DSCAML1: variants seen among roughly 807,000 people sequenced by gnomAD.
DSCAML1 encodes cell adhesion molecule DSCAML1.
A neutral mutation model predicts 200.5 loss-of-function variants in DSCAML1; 38 were observed. The ratio of observed to expected loss-of-function variants is 0.19; its 90% confidence interval spans 0.15 to 0.25. DSCAML1 has a LOEUF of 0.25. Among genes scored for constraint, DSCAML1 ranks in the 10% least tolerant of loss-of-function variants. The probability of loss-of-function intolerance (pLI) is 1.00; values close to 1 mark genes in which losing one functional copy is unlikely to be tolerated. For missense variants in DSCAML1, 2,223 were observed against 2,858.8 expected (o/e 0.78, Z 5.07); for synonymous variants, 1,215 against 1,165.0 (o/e 1.04, Z -0.87).
intron 3 of DSCAML1, among the ~76,000 whole-genome samples, chr11:117,720,577 T>C (rs4936399): frequency 0.84 from 127,791 of 152,212 alleles, 55,249 homozygotes; most frequent in Non-Finnish European, 0.94. Flanking sequence ...GCAAACTCCA[T>C]GCTTCCTCCT....
Position 117,780,306 on chromosome 11 carries a change from G to GAAAGAA in DSCAML1, c.364+186_364+187insTTCTTT, listed in dbSNP as rs1410505039. On this transcript the variant is annotated intron_variant, in intron 2 of 32. Coordinates refer to ENST00000651296, the MANE Select transcript of DSCAML1 (RefSeq NM_020693.4). This position sits in a 1 kb window ranked among gnomAD's most constrained non-coding sequence, Gnocchi z 4.8. ...AAAGAAAGAAAGAAAGAAAGAAAGA[G>GAAAGAA]AGAAAGGAGAAAGAAAGGTGTCTCT... Among the ~76,000 whole-genome samples the GAAAGAA allele has an allele frequency of 2.7e-4, 27 of 99,268 alleles. No individual in the cohort carries two copies. The East Asian group carries it at 3.8e-3, about 14-fold the overall frequency. The allele number at this position is 99,268 out of a possible 152,430, so 65.1% of individuals were successfully genotyped here.
chr11:117,650,382 C>T (rs183243033), intron 3 of DSCAML1, among the ~76,000 whole-genome samples: 3 of 152,252 alleles, frequency 2.0e-5, no homozygotes, highest in African/African-American at 7.2e-5. Context: ...TTATGGGATT[C>T]AGAAGATACT....
chr11:117,663,738 C>G (rs61903817), intron 3 of DSCAML1, among the ~76,000 whole-genome samples: 7,675 of 152,176 alleles, frequency 0.05, 281 homozygotes, highest in Non-Finnish European at 0.079. Context: ...CCCTCTGATC[C>G]CTGGTGGGAG....
rs1555032678 is a variant in DSCAML1 at position 117,780,231 on chromosome 11, G to GAAAGGAAAGAAAGAAAGAAAGAAAGAAA, written c.364+261_364+262insTTTCTTTCTTTCTTTCTTTCTTTCCTTT. ...AAAGAGAGAGAGAGAAAGAAAGAAA[G>GAAAGGAAAGAAAGAAAGAAAGAAAGAAA]GAAAGAAAGAAAGAAAGAAAGAAAG... On this transcript the variant is annotated intron_variant, in intron 2 of 32. Coordinates refer to ENST00000651296, the MANE Select transcript of DSCAML1 (RefSeq NM_020693.4). This position sits in a 1 kb window ranked among gnomAD's most constrained non-coding sequence, Gnocchi z 4.8. Among the ~76,000 whole-genome samples the GAAAGGAAAGAAAGAAAGAAAGAAAGAAA allele has an allele frequency of 1.6e-5, 1 of 60,648 alleles. No homozygotes were observed. Among genetic ancestry groups the GAAAGGAAAGAAAGAAAGAAAGAAAGAAA allele is most frequent in the Non-Finnish European group, 3.3e-5 (1 of 29,888 alleles). The allele number at this position is 60,648 out of a possible 152,430, so 39.8% of individuals were successfully genotyped here.
intron 29 of DSCAML1, 138 bp from the exon 30 acceptor site, chr11:117,432,642 G>T: frequency 9.1e-6 from 9 of 990,282 alleles, no homozygotes; most frequent in Non-Finnish European, 1.2e-5. Flanking sequence ...TTTGAGACAG[G>T]GTCTCACTCT....
chr11:117,609,160 C>T (rs539392130), intron 3 of DSCAML1, among the ~76,000 whole-genome samples: 1 of 151,642 alleles, frequency 6.6e-6, no homozygotes, highest in South Asian at 2.1e-4. Flanking sequence ...GATCGTGCCA[C>T]TGCACTCCAG....
intron 3 of DSCAML1, among the ~76,000 whole-genome samples, chr11:117,671,355 T>C (rs17121068): frequency 0.055 from 8,427 of 152,268 alleles, 468 homozygotes; most frequent in African/African-American, 0.15. Flanking sequence ...GTCTCTTCCA[T>C]GGATTTCAGT....
Position 117,484,780 on chromosome 11 carries a change from G to A in DSCAML1, c.2360-2618C>T, listed in dbSNP as rs58354256. On this transcript the variant is annotated intron_variant, in intron 11 of 32. Coordinates refer to ENST00000651296, the MANE Select transcript of DSCAML1 (RefSeq NM_020693.4). Reference sequence around the variant, plus strand: ...TCGGGTGTCGGGGAGGCTCGTAAGCGGACTGGGGACTGGGACCCCCATGGG... The same window carrying A: ...TCGGGTGTCGGGGAGGCTCGTAAGCAGACTGGGGACTGGGACCCCCATGGG... Among the ~76,000 whole-genome samples the A allele has an allele frequency of 3.4e-3, 517 of 152,254 alleles. 2 individuals are homozygous for A. Among genetic ancestry groups the A allele is most frequent in the African/African-American group, 0.012 (493 of 41,546 alleles).
At chr11:117,537,989 G>A (rs900118190) in intron 3 of DSCAML1, among the ~76,000 whole-genome samples, 1 of 152,184 alleles carries the variant, frequency 6.6e-6, no homozygotes, top group Non-Finnish European at 1.5e-5. Flanking sequence ...TTTAGAGAGG[G>A]CCAGTCTTCT....
At chr11:117,723,317 T>C (rs940585831) in intron 3 of DSCAML1, among the ~76,000 whole-genome samples, 9 of 152,220 alleles carry the variant, frequency 5.9e-5, no homozygotes, top group African/African-American at 1.7e-4. Context: ...TTTCCAGATA[T>C]GTTCTTCCAG....
intron 3 of DSCAML1, among the ~76,000 whole-genome samples, chr11:117,564,639 CTCTCTT>C (rs1414903087): frequency 6.6e-6 from 1 of 152,114 alleles, no homozygotes; most frequent in East Asian, 1.9e-4. Context: ...ACCTCTCTCT[CTCTCTT>C]TCTTTCTTTC....
intron 11 of DSCAML1, among the ~76,000 whole-genome samples, chr11:117,486,264 T>TGTGAAAATGGCAGATGTGAAAGTAGC (rs2049052365): frequency 2.4e-5 from 2 of 82,736 alleles, no homozygotes; most frequent in Non-Finnish European, 5.0e-5. Context: ...GGGAAAGTGG[T>TGTGAAAATGGCAGATGTGAAAGTAGC]GGATGGGAAA....
At chr11:117,679,313 G>A (rs544789394) in intron 3 of DSCAML1, among the ~76,000 whole-genome samples, 5 of 152,322 alleles carry the variant, frequency 3.3e-5, no homozygotes, top group South Asian at 2.1e-4. Flanking sequence ...CTGGTGCGGC[G>A]GTCGGAGCTG....
At chr11:117,471,783 C>G in intron 15 of DSCAML1, 86 bp downstream of exon 15, 1 of 1,481,690 alleles carries the variant, frequency 6.7e-7, no homozygotes, top group Non-Finnish European at 9.1e-7. Flanking sequence ...ACTGCAAGCT[C>G]ATTGCCAGTG....
At chr11:117,627,671 C>A (rs117451159) in intron 3 of DSCAML1, among the ~76,000 whole-genome samples, 2 of 152,194 alleles carry the variant, frequency 1.3e-5, no homozygotes, top group African/African-American at 2.4e-5. Context: ...GGAACTCCTG[C>A]GCCAGGCACT....
At chr11:117,747,841 G>T (rs1029140510) in intron 3 of DSCAML1, among the ~76,000 whole-genome samples, 2 of 152,212 alleles carry the variant, frequency 1.3e-5, no homozygotes, top group Non-Finnish European at 2.9e-5. Flanking sequence ...TGAGGGTCCA[G>T]GGGAACCTAA....
intron 3 of DSCAML1, among the ~76,000 whole-genome samples, chr11:117,588,818 CCTCCT>C (rs1565810046): frequency 6.6e-6 from 1 of 152,178 alleles, no homozygotes; most frequent in Non-Finnish European, 1.5e-5. Context: ...ATCCTGTCCC[CCTCCT>C]CTAAGCCACC....
chr11:117,808,501 A>T (rs2055727873), intron 1 of DSCAML1, among the ~76,000 whole-genome samples: 2 of 151,838 alleles, frequency 1.3e-5, no homozygotes. Context: ...ACACATGCAC[A>T]CAGGCACAGG....
chr11:117,788,850 C>T (rs1381299351), intron 1 of DSCAML1, among the ~76,000 whole-genome samples: 1 of 152,186 alleles, frequency 6.6e-6, no homozygotes, highest in Non-Finnish European at 1.5e-5. Context: ...ATGTGTGGCT[C>T]AGCAGGCACA....
Sources: allele counts gnomAD v4.1 joint callset (sites outside exome capture counted in the v4.1 genomes callset), GRCh38; gene constraint gnomAD v4.1.1; non-coding constraint Gnocchi (gnomAD v3.1); transcripts MANE v1.5; gene names NCBI Gene and HGNC (gene_info 2026-07-23, HGNC 2026-07-21).